Variants in DMRT1 observed in about 807,000 individuals in gnomAD.
The protein encoded by DMRT1 is doublesex- and mab-3-related transcription factor 1.
DMRT1 carries 7 observed loss-of-function variants against 32.3 expected under a neutral mutation model. The ratio of observed to expected loss-of-function variants is 0.22; its 90% confidence interval spans 0.12 to 0.41. The LOEUF is 0.41. Among genes scored for constraint, DMRT1 ranks in the 10% least tolerant of loss-of-function variants. DMRT1 has a pLI of 1.00. For missense variants in DMRT1, 625 were observed against 500.5 expected, an observed-to-expected ratio of 1.25 and a Z score of -2.37; for synonymous variants, 278 against 206.1, an observed-to-expected ratio of 1.35 and a Z score of -2.99.
rs1003287556 is a variant in DMRT1 at position 965,884 on chromosome 9, G to A, written c.968-2101G>A. The stretch of plus-strand genomic sequence containing the variant: ...AGGATCCCTGTGTTAAACGGGGAGA[G>A]TAATTCTCTCAGTGAATGGTTTGAG... On this transcript the variant is annotated intron_variant, in intron 4 of 4. Coordinates refer to ENST00000382276, the MANE Select transcript of DMRT1 (RefSeq NM_021951.3). This position sits in a 1 kb window ranked among gnomAD's most constrained non-coding sequence, Gnocchi z 4.5. Among the ~76,000 whole-genome samples the A allele has an allele frequency of 6.6e-6, 1 of 152,212 alleles. No individual in the cohort carries two copies. The highest frequency in any genetic ancestry group is 6.5e-5 in the Admixed American group (1 of 15,280).
intron 3 of DMRT1, among the ~76,000 whole-genome samples, chr9:904,942 CAAAA>C (rs71327357): frequency 1.5e-5 from 2 of 135,376 alleles, no homozygotes; most frequent in Admixed American, 7.4e-5. Flanking sequence ...AACTCCGTCT[CAAAA>C]AAAAAAAAAA....
intron 4 of DMRT1, among the ~76,000 whole-genome samples, chr9:956,838 C>T (rs941216849): frequency 6.6e-6 from 1 of 152,208 alleles, no homozygotes; most frequent in African/African-American, 2.4e-5. Context: ...GGGATCATCT[C>T]ACCCAGAGAT....
intron 2 of DMRT1, among the ~76,000 whole-genome samples, chr9:860,276 G>A (rs373243723): frequency 9.2e-5 from 14 of 152,130 alleles, no homozygotes; most frequent in East Asian, 1.9e-4. Flanking sequence ...CAGCCTGGGC[G>A]ACAGAGCGAG....
intron 4 of DMRT1, among the ~76,000 whole-genome samples, chr9:938,852 A>G (rs1818970157): frequency 6.6e-6 from 1 of 152,222 alleles, no homozygotes; most frequent in Admixed American, 6.5e-5. Flanking sequence ...TCACCATTGA[A>G]TGTGATGTTT....
At chr9:867,388 C>T (rs903749013) in intron 2 of DMRT1, among the ~76,000 whole-genome samples, 9 of 152,170 alleles carry the variant, frequency 5.9e-5, no homozygotes, top group Admixed American at 2.0e-4. Context: ...TATTCTGTGC[C>T]TCCTAAGCAT....
chr9:871,895 C>A (rs1002366571), intron 2 of DMRT1, among the ~76,000 whole-genome samples: 2 of 151,368 alleles, frequency 1.3e-5, no homozygotes, highest in Non-Finnish European at 2.9e-5. Flanking sequence ...GAGTTTAAAA[C>A]GATGGCCCTT....
At position 968,225 on chromosome 9, in the gene DMRT1, CAT is replaced by C; in HGVS notation, c.*88_*89del. 1 of 1,498,746 alleles carries C rather than the reference CAT, an allele frequency of 6.7e-7. No individual in the cohort carries two copies. Among genetic ancestry groups the C allele is most frequent in the Non-Finnish European group, 9.1e-7 (1 of 1,093,862 alleles). 92.8% of individuals were successfully genotyped at this position (1,498,746 alleles called of 1,614,324 possible). A position where few individuals can be genotyped will look rare whatever the true frequency, so the allele number is the denominator to read the frequency against. On this transcript the variant is annotated 3_prime_UTR_variant, in exon 5 of 5. Coordinates refer to ENST00000382276, the MANE Select transcript of DMRT1 (RefSeq NM_021951.3). ...GGTTTGTTAATATTTTGCATTGACTCATACTATCTTAACTGTTGAGAACGTAT... is the reference window on the plus strand; with the variant it reads ...GGTTTGTTAATATTTTGCATTGACTCACTATCTTAACTGTTGAGAACGTAT...
intron 4 of DMRT1, among the ~76,000 whole-genome samples, chr9:959,445 A>C (rs142465943): frequency 2.6e-5 from 4 of 152,326 alleles, no homozygotes; most frequent in African/African-American, 9.6e-5. Context: ...TAGAGTCACT[A>C]TGTAGTCACT....
At chr9:925,828 G>GGGGAAAA (rs1818505460) in intron 4 of DMRT1, among the ~76,000 whole-genome samples, 5 of 151,994 alleles carry the variant, frequency 3.3e-5, no homozygotes. Flanking sequence ...GTAGGGGAAA[G>GGGGAAAA]GAGGGGTCCT....
At chr9:944,364 A>G (rs2129924243) in intron 4 of DMRT1, among the ~76,000 whole-genome samples, 1 of 152,346 alleles carries the variant, frequency 6.6e-6, no homozygotes, top group Non-Finnish European at 1.5e-5. Flanking sequence ...TAGTAGGATT[A>G]GACTGTTGTA....
chr9:874,706 G>A (rs1816419377), intron 2 of DMRT1, among the ~76,000 whole-genome samples: 1 of 151,714 alleles, frequency 6.6e-6, no homozygotes, highest in Non-Finnish European at 1.5e-5. Context: ...GACACAAAAG[G>A]AACTTCCTTC....
intron 4 of DMRT1, among the ~76,000 whole-genome samples, chr9:949,099 C>T (rs1388281221): frequency 6.6e-6 from 1 of 151,630 alleles, no homozygotes; most frequent in African/African-American, 2.4e-5. Flanking sequence ...TCTTAAAAAA[C>T]AAAACAAAAC....
chr9:852,541 A>T (rs550710221), intron 2 of DMRT1, among the ~76,000 whole-genome samples: 3 of 152,142 alleles, frequency 2.0e-5, no homozygotes, highest in South Asian at 2.1e-4. Flanking sequence ...ATGCTGTTTG[A>T]CACAGTACTT....
intron 2 of DMRT1, among the ~76,000 whole-genome samples, chr9:876,565 C>T (rs746260272): frequency 6.6e-6 from 1 of 151,644 alleles, no homozygotes; most frequent in Non-Finnish European, 1.5e-5. Flanking sequence ...GAGTCTTGCC[C>T]TATCATCCAG....
intron 2 of DMRT1, among the ~76,000 whole-genome samples, chr9:857,419 T>G (rs993628012): frequency 6.6e-6 from 1 of 152,280 alleles, no homozygotes; most frequent in African/African-American, 2.4e-5. Context: ...GGAACAGTAT[T>G]TGTGGAAGTA....
intron 4 of DMRT1, among the ~76,000 whole-genome samples, chr9:933,504 G>C (rs938132381): frequency 1.3e-5 from 2 of 152,190 alleles, no homozygotes; most frequent in Non-Finnish European, 2.9e-5. Context: ...GCTAGGAATG[G>C]AGCAGGGTGA....
At chr9:913,354 A>T (rs1386507138) in intron 3 of DMRT1, among the ~76,000 whole-genome samples, 11 of 152,104 alleles carry the variant, frequency 7.2e-5, no homozygotes, top group Non-Finnish European at 1.6e-4. Flanking sequence ...AGTGTTCACT[A>T]CTCAGACTGT....
intron 4 of DMRT1, among the ~76,000 whole-genome samples, chr9:919,794 G>A (rs1033356443): frequency 3.3e-5 from 5 of 152,314 alleles, no homozygotes; most frequent in African/African-American, 1.2e-4. Flanking sequence ...GTGGCTGAGT[G>A]AGGGTGGGAG....
intron 4 of DMRT1, among the ~76,000 whole-genome samples, chr9:961,890 T>C (rs954543327): frequency 6.6e-6 from 1 of 152,228 alleles, no homozygotes; most frequent in Admixed American, 6.5e-5. Flanking sequence ...TATCTGTTAT[T>C]ACCCCCTTTT....
Sources: allele counts gnomAD v4.1 joint callset (sites outside exome capture counted in the v4.1 genomes callset), GRCh38; gene constraint gnomAD v4.1.1; non-coding constraint Gnocchi (gnomAD v3.1); transcripts MANE v1.5; gene names NCBI Gene and HGNC (gene_info 2026-07-23, HGNC 2026-07-21).